Variants in PEX7 observed in about 807,000 individuals in gnomAD.
The protein encoded by PEX7 is PTS2 receptor.
In PEX7, 34 loss-of-function variants were observed where a neutral mutation model predicts 47.5. That is an observed-to-expected ratio of 0.72 (90% CI 0.54 to 0.95). The LOEUF (loss-of-function observed/expected upper bound fraction) is 0.95, where lower values mean the gene tolerates loss of function less well. Ranked by LOEUF, PEX7 falls within the 40% of genes least tolerant of loss-of-function variation. The pLI is 0.00. For missense variants in PEX7, 394 were observed against 400.3 expected, an observed-to-expected ratio of 0.98 and a Z score of 0.13; for synonymous variants, 141 against 148.8, an observed-to-expected ratio of 0.95 and a Z score of 0.38.
intron 3 of PEX7, among the ~76,000 whole-genome samples, chr6:136,834,788 C>T (rs11758584): frequency 0.028 from 4,222 of 152,224 alleles, 94 homozygotes; most frequent in South Asian, 0.054. Flanking sequence ...ACAGGACATA[C>T]ATGTATAGGT....
Position 136,843,669 on chromosome 6 carries a change from C to T in PEX7, c.340-1946C>T, listed in dbSNP as rs1162563746. 2.0e-5 allele frequency among the ~76,000 whole-genome samples: 3 copies of T among 152,312 alleles called. No homozygotes were observed. The East Asian group carries it at 5.8e-4, about 29-fold the overall frequency. On this transcript the variant is annotated intron_variant, in intron 3 of 9. Coordinates refer to ENST00000318471, the MANE Select transcript of PEX7 (RefSeq NM_000288.4). ...GGATAAAATCAAACTCTTTAGCTCTCAAGATCTTCAGTGATTGCTTCCAAA... is the reference window on the plus strand; with the variant it reads ...GGATAAAATCAAACTCTTTAGCTCTTAAGATCTTCAGTGATTGCTTCCAAA...
chr6:136,837,415 A>G (rs1774410573), intron 3 of PEX7, among the ~76,000 whole-genome samples: 1 of 151,212 alleles, frequency 6.6e-6, no homozygotes, highest in Admixed American at 6.6e-5. Context: ...GCGTTATGAG[A>G]ATAAAGAAGT....
At chr6:136,884,250 A>AT (rs1391787256) in intron 8 of PEX7, among the ~76,000 whole-genome samples, 9 of 152,180 alleles carry the variant, frequency 5.9e-5, no homozygotes, top group Non-Finnish European at 1.3e-4. Flanking sequence ...GAAAAGGTGC[A>AT]TTTTTGGTGG....
intron 5 of PEX7, among the ~76,000 whole-genome samples, chr6:136,865,982 C>T (rs1442781803): frequency 6.6e-6 from 1 of 151,994 alleles, no homozygotes; most frequent in Non-Finnish European, 1.5e-5. Flanking sequence ...ACTCGGGAGG[C>T]TGAGGCAGGA....
At chr6:136,908,442 T>A (rs1172567274) in intron 9 of PEX7, among the ~76,000 whole-genome samples, 1 of 152,198 alleles carries the variant, frequency 6.6e-6, no homozygotes, top group Non-Finnish European at 1.5e-5. Context: ...AAACCATTTT[T>A]TTTTCTGTAA....
At chr6:136,845,245 A>G (rs1774574287) in intron 3 of PEX7, among the ~76,000 whole-genome samples, 2 of 152,208 alleles carry the variant, frequency 1.3e-5, no homozygotes. Flanking sequence ...TCCAATAAAC[A>G]TTGACCCAGC....
chr6:136,845,379 A>G (rs941225519), intron 3 of PEX7, among the ~76,000 whole-genome samples: 4 of 152,226 alleles, frequency 2.6e-5, no homozygotes, highest in African/African-American at 7.2e-5. Flanking sequence ...GTTTGGAAGT[A>G]TACTGTAGAA....
chr6:136,874,807 T>C lies in PEX7; in HGVS notation c.803+2554T>C, dbSNP rs117251959. On this transcript the variant is annotated intron_variant, in intron 8 of 9. Transcript: ENST00000318471. ...ATCTAGTGGTATGTTTATTTTGTTA[T>C]TTTTCTTCAGCAGGCAGAATTTTAA... is the stretch of plus-strand genomic sequence containing the variant. 3.4e-3 allele frequency among the ~76,000 whole-genome samples: 511 copies of C among 152,280 alleles called. 8 individuals are homozygous for C. The South Asian group carries it at 0.041, about 12-fold the overall frequency.
intron 6 of PEX7, among the ~76,000 whole-genome samples, chr6:136,868,965 G>C (rs775486859): frequency 1.3e-5 from 2 of 152,202 alleles, no homozygotes; most frequent in Non-Finnish European, 2.9e-5. Flanking sequence ...TGGAAACAAT[G>C]ATTAATTTAG....
At chr6:136,826,093 C>G (rs2115131093) in intron 2 of PEX7, among the ~76,000 whole-genome samples, 1 of 152,246 alleles carries the variant, frequency 6.6e-6, no homozygotes, top group South Asian at 2.1e-4. Flanking sequence ...CATTTTTGGA[C>G]TACTACATTC....
intron 8 of PEX7, among the ~76,000 whole-genome samples, chr6:136,890,335 C>A (rs2115260815): frequency 6.6e-6 from 1 of 152,302 alleles, no homozygotes. Context: ...AAATATTTCT[C>A]AGACTATGGG....
At chr6:136,894,691 TAACTC>T (rs1041335378) in intron 8 of PEX7, among the ~76,000 whole-genome samples, 10 of 152,278 alleles carry the variant, frequency 6.6e-5, no homozygotes, top group East Asian at 1.9e-4. Flanking sequence ...AAGCAAAAAA[TAACTC>T]AACCAAGACA....
intron 8 of PEX7, 108 bp downstream of exon 8, chr6:136,872,361 T>C (rs1182532441): frequency 1.2e-6 from 1 of 814,520 alleles, no homozygotes; most frequent in Non-Finnish European, 2.0e-6. Context: ...GAAAATAATC[T>C]GAGATGGGTA....
At chr6:136,867,761 G>C (rs1214640924) in intron 6 of PEX7, among the ~76,000 whole-genome samples, 3 of 145,916 alleles carry the variant, frequency 2.1e-5, no homozygotes, top group African/African-American at 7.6e-5. Context: ...TGGCAACAGA[G>C]CAAGACTCCA....
At chr6:136,909,048 T>C (rs73553219) in intron 9 of PEX7, among the ~76,000 whole-genome samples, 7,541 of 152,276 alleles carry the variant, frequency 0.05, 275 homozygotes, top group African/African-American at 0.1. Flanking sequence ...ACAGTATAGG[T>C]GTCTCTTTGC....
chr6:136,853,294 C>T lies in PEX7; in HGVS notation c.526+7113C>T, dbSNP rs567673080. ...GCCCTTGACAGAAAACGTTTGCTGA[C>T]CTCTGGCATAAATCCTCAAGGAGAG... On this transcript the variant is annotated intron_variant, in intron 5 of 9. Coordinates refer to ENST00000318471, the MANE Select transcript of PEX7 (RefSeq NM_000288.4). 9.9e-5 allele frequency among the ~76,000 whole-genome samples: 15 copies of T among 152,266 alleles called. No individual in the cohort carries two copies. The South Asian group carries it at 2.9e-3, about 29-fold the overall frequency.
chr6:136,902,529 G>T (rs1341461734), intron 9 of PEX7, among the ~76,000 whole-genome samples: 1 of 152,090 alleles, frequency 6.6e-6, no homozygotes, highest in East Asian at 1.9e-4. Flanking sequence ...GCTGAGAAAT[G>T]CTCTATGCCC....
intron 5 of PEX7, among the ~76,000 whole-genome samples, chr6:136,863,856 C>A (rs893720881): frequency 6.6e-6 from 1 of 152,162 alleles, no homozygotes; most frequent in Non-Finnish European, 1.5e-5. Context: ...TTGCAGTGAG[C>A]TGAGATCGCA....
At chr6:136,873,744 T>G (rs1031752450) in intron 8 of PEX7, among the ~76,000 whole-genome samples, 4 of 152,222 alleles carry the variant, frequency 2.6e-5, no homozygotes, top group Non-Finnish European at 5.9e-5. Flanking sequence ...AATAAGATTC[T>G]GACTTTAATG....
Sources: allele counts gnomAD v4.1 joint callset (sites outside exome capture counted in the v4.1 genomes callset), GRCh38; gene constraint gnomAD v4.1.1; transcripts MANE v1.5; gene names NCBI Gene and HGNC (gene_info 2026-07-23, HGNC 2026-07-21).